The following CACNA1B variants were observed in gnomAD, a reference collection of about 807,000 sequenced individuals.
CACNA1B encodes calcium voltage-gated channel subunit alpha1 B.
In CACNA1B, 70 loss-of-function variants were observed where a neutral mutation model predicts 247.2. The observed-to-expected ratio is 0.28, with a 90% CI of 0.23 to 0.35. The LOEUF (loss-of-function observed/expected upper bound fraction) is 0.35. Ranked by LOEUF, CACNA1B falls within the 10% of genes least tolerant of loss-of-function variation. The pLI is 1.00. For missense variants in CACNA1B, 2,367 were observed against 3,197.4 expected, an observed-to-expected ratio of 0.74 and a Z score of 6.26; for synonymous variants, 1,231 against 1,294.4, an observed-to-expected ratio of 0.95 and a Z score of 1.05.
intron 21 of CACNA1B, among the ~76,000 whole-genome samples, chr9:138,044,108 G>A (rs1307258448): frequency 2.0e-5 from 3 of 152,258 alleles, no homozygotes; most frequent in Non-Finnish European, 4.4e-5. Flanking sequence ...CAGCGGAGCT[G>A]GGGTGAGCTC....
intron 10 of CACNA1B, among the ~76,000 whole-genome samples, chr9:137,968,807 T>A (rs1958112284): frequency 6.6e-6 from 1 of 152,238 alleles, no homozygotes; most frequent in Admixed American, 6.5e-5. Context: ...CAGGCCCTAT[T>A]CTCAGCAGTA....
intron 19 of CACNA1B, among the ~76,000 whole-genome samples, chr9:138,024,531 A>G (rs1210166772): frequency 6.6e-6 from 1 of 152,182 alleles, no homozygotes; most frequent in Non-Finnish European, 1.5e-5. Context: ...TAATTTAAAA[A>G]ACGTACAGAA....
In CACNA1B at chr9:138,124,615, C is replaced by A. The variant is rs1320797014; in HGVS notation, c.*2616C>A. The A allele has an allele frequency of 6.6e-6, 1 of 152,158 alleles. No individual in the cohort carries two copies. The highest frequency in any genetic ancestry group is 2.4e-5 in the African/African-American group (1 of 41,444). 9.4% of individuals were successfully genotyped at this position (152,158 alleles called of 1,614,324 possible). A position where few individuals can be genotyped will look rare whatever the true frequency, so the allele number is the denominator to read the frequency against. On this transcript the variant is annotated 3_prime_UTR_variant, in exon 47 of 47. Coordinates refer to ENST00000371372, the MANE Select transcript of CACNA1B (RefSeq NM_000718.4). ...TAAAAACTTAGCAAAAAATCAAAAA[C>A]AAAACCCCACCATGCTGCCATTGGT...
intron 6 of CACNA1B, among the ~76,000 whole-genome samples, chr9:137,928,285 A>G (rs369141550): frequency 4.6e-5 from 7 of 152,080 alleles, no homozygotes; most frequent in African/African-American, 1.7e-4. Context: ...TTTAGTAGAG[A>G]CAGTGTTTCA....
chr9:137,956,031 ACT>A (rs1236433485), intron 8 of CACNA1B, among the ~76,000 whole-genome samples: 3 of 151,906 alleles, frequency 2.0e-5, no homozygotes, highest in Non-Finnish European at 4.4e-5. Context: ...TAAATGGAGG[ACT>A]CTGCCATGGC....
chr9:137,956,888 G>A, intron 9 of CACNA1B, 61 bp downstream of exon 9: 2 of 1,357,090 alleles, frequency 1.5e-6, no homozygotes, highest in Non-Finnish European at 2.1e-6. Flanking sequence ...CGTGGGTGGT[G>A]ACACGTGCCT....
intron 3 of CACNA1B, among the ~76,000 whole-genome samples, chr9:137,904,944 G>A (rs533696593): frequency 6.6e-6 from 1 of 152,106 alleles, no homozygotes; most frequent in East Asian, 1.9e-4. Flanking sequence ...GATAAATGTG[G>A]GTTTGTTAGT....
chr9:137,972,334 C>T (rs926884573), intron 11 of CACNA1B, among the ~76,000 whole-genome samples: 4 of 152,178 alleles, frequency 2.6e-5, no homozygotes, highest in East Asian at 1.9e-4. Context: ...CCTCCTGACC[C>T]CAGGGGTCAG....
chr9:137,911,362 T>C (rs1957357645), intron 3 of CACNA1B, among the ~76,000 whole-genome samples: 2 of 152,188 alleles, frequency 1.3e-5, no homozygotes, highest in Admixed American at 1.3e-4. Flanking sequence ...TTGGTTTGAA[T>C]AGAAGGGTTT....
chr9:138,101,183 C>T (rs771989336), intron 37 of CACNA1B: 7 of 531,950 alleles, frequency 1.3e-5, no homozygotes, highest in East Asian at 5.5e-5. Flanking sequence ...GAACTGCCCT[C>T]GTAGGTTGGC....
chr9:137,997,622 A>G (rs1473142885), intron 15 of CACNA1B, among the ~76,000 whole-genome samples: 3 of 152,210 alleles, frequency 2.0e-5, no homozygotes, highest in Admixed American at 6.5e-5. Flanking sequence ...TCAATGAAAC[A>G]ACCATTTCCA....
At chr9:138,013,784 G>T (rs1371664226) in intron 18 of CACNA1B, among the ~76,000 whole-genome samples, 2 of 152,228 alleles carry the variant, frequency 1.3e-5, no homozygotes, top group Non-Finnish European at 2.9e-5. Context: ...TGGGCAAAGT[G>T]TCCAGCCCAG....
chr9:138,053,894 T>C lies in CACNA1B; in HGVS notation c.3856T>C (p.Leu1286=). 1 of 1,613,290 alleles carries C rather than the reference T, an allele frequency of 6.2e-7. No homozygotes were observed. The highest frequency in any genetic ancestry group is 8.5e-7 in the Non-Finnish European group (1 of 1,179,246). ...VNSLKNVLNI[L]IVYMLFMFIF... Reference sequence around the variant, plus strand: ...CTCCCTGAAGAATGTCCTCAACATCTTGATTGTCTACATGCTCTTCATGTT... The same window carrying C: ...CTCCCTGAAGAATGTCCTCAACATCCTGATTGTCTACATGCTCTTCATGTT... The change falls in exon 26 of 47, where the codon TTG becomes CTG. Residue 1286 remains leucine, a synonymous_variant. Transcript: ENST00000371372.
rs796433404 is a variant in CACNA1B, at chr9:137,882,264, T to G, written c.391-480T>G. On this transcript the variant is annotated intron_variant, in intron 2 of 46. Transcript: ENST00000371372. This position sits in a 1 kb window ranked among gnomAD's most constrained non-coding sequence, Gnocchi z 4.0. ...CCTCTGCCTGGCTCCTGGGCATCTC[T>G]GTGCCTCTGTCTCCCACATGTTAGA... Among the ~76,000 whole-genome samples, 5 of 152,344 alleles carry G rather than the reference T, an allele frequency of 3.3e-5. No homozygotes were observed. Among genetic ancestry groups the G allele is most frequent in the African/African-American group, 1.2e-4 (5 of 41,584 alleles).
rs1959240879 is a variant in CACNA1B, at chr9:138,050,606, C to T, written c.3710+1291C>T. ...AGTGGGAACACTGCAGCCAGGGGTC[C>T]CCCAGTCAGGAGGAGGGGAAGGGGT... On this transcript the variant is annotated intron_variant, in intron 24 of 46. Transcript: ENST00000371372. This position sits in a 1 kb window ranked among gnomAD's most constrained non-coding sequence, Gnocchi z 5.2. 6.6e-6 allele frequency among the ~76,000 whole-genome samples: 1 copy of T among 152,188 alleles called. No individual in the cohort carries two copies. The highest frequency in any genetic ancestry group is 1.5e-5 in the Non-Finnish European group (1 of 68,024).
At chr9:137,953,496 T>G (rs1464947706) in intron 7 of CACNA1B, among the ~76,000 whole-genome samples, 1 of 152,136 alleles carries the variant, frequency 6.6e-6, no homozygotes, top group Non-Finnish European at 1.5e-5. Flanking sequence ...TTTGGCCCTG[T>G]CCTGTAAAGG....
chr9:138,058,997 G>T lies in CACNA1B; in HGVS notation c.4474-82G>T. 2 of 847,904 alleles carry T rather than the reference G, an allele frequency of 2.4e-6. No homozygotes were observed. The highest frequency in any genetic ancestry group is 3.9e-6 in the Non-Finnish European group (2 of 506,532). The allele number at this position is 847,904 out of a possible 1,614,324, so 52.5% of individuals were successfully genotyped here. On this transcript the variant is annotated intron_variant, in intron 29 of 46. Coordinates refer to ENST00000371372, the MANE Select transcript of CACNA1B (RefSeq NM_000718.4). The surrounding 1 kb of genome is among the most constrained non-coding windows in gnomAD (Gnocchi z 4.7). ...GGCAGGCATCGAGTTCTGTCTGCCC[G>T]CTTTGCTTGGTCATAGTGGTCCCAG... is the stretch of plus-strand genomic sequence containing the variant.
intron 19 of CACNA1B, among the ~76,000 whole-genome samples, chr9:138,024,561 G>A (rs1477821418): frequency 2.6e-5 from 4 of 152,338 alleles, no homozygotes; most frequent in Admixed American, 2.6e-4. Flanking sequence ...AGCAGAGCAG[G>A]TGGTTATGGA....
chr9:137,979,212 G>T (rs1958264779), intron 12 of CACNA1B, among the ~76,000 whole-genome samples: 1 of 152,168 alleles, frequency 6.6e-6, no homozygotes, highest in Non-Finnish European at 1.5e-5. Flanking sequence ...TGTGGCACTG[G>T]GTATCTCTGG....
Sources: allele counts gnomAD v4.1 joint callset (sites outside exome capture counted in the v4.1 genomes callset), GRCh38; gene constraint gnomAD v4.1.1; non-coding constraint Gnocchi (gnomAD v3.1); transcripts MANE v1.5; gene names NCBI Gene and HGNC (gene_info 2026-07-23, HGNC 2026-07-21).